SNRPB2: variants seen among roughly 807,000 people sequenced by gnomAD.
SNRPB2 encodes small nuclear ribonucleoprotein polypeptide B2.
Under a neutral mutation model 26.3 loss-of-function variants are expected in SNRPB2, and 16 were observed. The observed-to-expected ratio is 0.61, with a 90% confidence interval of 0.41 to 0.92. The LOEUF (loss-of-function observed/expected upper bound fraction) is 0.92, where lower values mean the gene tolerates loss of function less well. SNRPB2 is among the 40% of genes least tolerant of loss of function. The pLI is 0.00. For synonymous variants in SNRPB2, 75 were observed against 89.0 expected (o/e 0.84, Z 0.88); for missense variants, 179 against 268.1 (o/e 0.67, Z 2.32).
chr20:16,735,614 CAG>C (rs2072421342), intron 3 of SNRPB2, among the ~76,000 whole-genome samples: 1 of 152,214 alleles, frequency 6.6e-6, no homozygotes, highest in South Asian at 2.1e-4. Context: ...CCTACTACAT[CAG>C]AGCTTTTACC....
At chr20:16,730,433 G>A (rs1315471513) in intron 1 of SNRPB2, 1 of 152,306 alleles carries the variant, frequency 6.6e-6, no homozygotes, top group Non-Finnish European at 1.5e-5. Flanking sequence ...GGTAATTCAG[G>A]GTGTCCCTGT....
intron 5 of SNRPB2, among the ~76,000 whole-genome samples, chr20:16,739,686 A>T (rs1006164712): frequency 4.1e-4 from 63 of 152,180 alleles, no homozygotes; most frequent in African/African-American, 1.4e-3. Flanking sequence ...TTATGACAGT[A>T]GCAGGAAGAC....
rs374273717 is a variant in SNRPB2, at chr20:16,740,843, T to C, written c.519-3T>C. ...ATACATGAATTGTTTTTCTTCTTTA[T>C]AGGTTCCCTGGCTTCAAGGAAGTAC... is the stretch of plus-strand genomic sequence containing the variant. On this transcript the variant is annotated splice_polypyrimidine_tract_variant and splice_region_variant and intron_variant, in intron 6 of 6. Coordinates refer to ENST00000246071, the MANE Select transcript of SNRPB2 (RefSeq NM_003092.5). The C allele has an allele frequency of 2.5e-4, 395 of 1,606,132 alleles. 3 individuals carry two copies. The South Asian group carries it at 4.0e-3, about 16-fold the overall frequency.
At chr20:16,739,046 A>G (rs2072446647) in intron 5 of SNRPB2, 144 bp downstream of exon 5, 2 of 625,358 alleles carry the variant, frequency 3.2e-6, no homozygotes, top group Admixed American at 2.9e-5. Flanking sequence ...ACTGCAATGT[A>G]AGAACTCAAC....
chr20:16,731,328 A>AT (rs1216761195), intron 1 of SNRPB2, among the ~76,000 whole-genome samples: 2 of 152,202 alleles, frequency 1.3e-5, no homozygotes, highest in African/African-American at 4.8e-5. Context: ...TACTTTGGTC[A>AT]TTTTTCTTCA....
At position 16,742,533 on chromosome 20, in the gene SNRPB2, G is replaced by A. The variant is rs988534086; in HGVS notation, c.*1528G>A. ...TTTTTTAAAGTGGGTTAGAATTTAC[G>A]TACAATAAAGTTCACCCATGTTAGT... On this transcript the variant is annotated 3_prime_UTR_variant, in exon 7 of 7. Coordinates refer to ENST00000246071, the MANE Select transcript of SNRPB2 (RefSeq NM_003092.5). 9.9e-5 allele frequency: 15 copies of A among 152,144 alleles called. No homozygotes were observed. The highest frequency in any genetic ancestry group is 2.9e-4 in the African/African-American group (12 of 41,516). The allele number at this position is 152,144 out of a possible 1,614,324, so 9.4% of individuals were successfully genotyped here.
chr20:16,732,489 T>C, intron 3 of SNRPB2, 153 bp downstream of exon 3: 1 of 521,480 alleles, frequency 1.9e-6, no homozygotes, highest in East Asian at 3.3e-5. Context: ...ACAGTAGTGG[T>C]AGAGTTTAAT....
chr20:16,734,150 C>T (rs2072410640), intron 3 of SNRPB2, among the ~76,000 whole-genome samples: 1 of 152,298 alleles, frequency 6.6e-6, no homozygotes, highest in East Asian at 1.9e-4. Flanking sequence ...CTGTGTTGGG[C>T]ACCAGCCTCA....
At position 16,740,387 on chromosome 20, in the gene SNRPB2, G is replaced by C; in HGVS notation, c.492G>C (p.Glu164Asp). The C allele has an allele frequency of 6.2e-7, 1 of 1,612,080 alleles. No homozygotes were observed. Among genetic ancestry groups the C allele is most frequent in the Non-Finnish European group, 8.5e-7 (1 of 1,178,916 alleles). ...ATAACTTACCAGAAGAGACTAATGA[G>C]ATGATGTTATCCATGCTGTTTAATC... ...FLNNLPEETN[E>D]MMLSMLFNQF... The change falls in exon 6 of 7, where the codon GAG becomes GAC. Residue 164 changes from glutamate to aspartate, a missense_variant. Glu to Asp is a conservative substitution (Grantham distance 45). Around this residue, in one of 2 missense-constraint regions of SNRPB2, gnomAD observed 34 missense variants for 87.4 expected, o/e 0.39. Coordinates refer to ENST00000246071, the MANE Select transcript of SNRPB2 (RefSeq NM_003092.5).
At position 16,735,705 on chromosome 20, in the gene SNRPB2, T is replaced by TAACTGTTGC. The variant is rs543209093; in HGVS notation, c.238-1555_238-1547dup. 1.4e-3 allele frequency among the ~76,000 whole-genome samples: 207 copies of TAACTGTTGC among 152,346 alleles called. 1 individual carries two copies. Among genetic ancestry groups the TAACTGTTGC allele is most frequent in the Middle Eastern group, 6.8e-3 (2 of 294 alleles). ...CAAGTTTTTGAACCCTTCCCTGTTG[T>TAACTGTTGC]AACTGTTGCCTCTTGGTGCCAGCAT... On this transcript the variant is annotated intron_variant, in intron 3 of 6. Coordinates refer to ENST00000246071, the MANE Select transcript of SNRPB2 (RefSeq NM_003092.5).
chr20:16,732,215 A>G lies in SNRPB2; in HGVS notation c.116A>G (p.Asp39Gly). Residue 39 changes from aspartate (D) to glycine (G), a missense_variant, in exon 3 of 7, where the codon GAC becomes GGC. By Grantham distance (94) the Asp-to-Gly change is moderately conservative (BLOSUM62 -1). Coordinates refer to ENST00000246071, the MANE Select transcript of SNRPB2 (RefSeq NM_003092.5). Reference sequence around the variant, plus strand: ...TTTTCTCAGTTTGGTCATGTGGTGGACATTGTGGCTTTAAAGACCATGAAG... The same window carrying G: ...TTTTCTCAGTTTGGTCATGTGGTGGGCATTGTGGCTTTAAAGACCATGAAG... The part of the protein sequence containing the change: ...ALFSQFGHVV[D>G]IVALKTMKMR... 6.2e-7 allele frequency: 1 copy of G among 1,605,116 alleles called. No homozygotes were observed. The highest frequency in any genetic ancestry group is 1.1e-5 in the South Asian group (1 of 90,454).
Position 16,731,656 on chromosome 20 carries a change from T to A in SNRPB2, c.-35-12T>A. ...CAGTCCAGTATAATTTACTCCTTCC[T>A]TTTTATAACAGATTTTTTACTGTCT... is the stretch of plus-strand genomic sequence containing the variant. On this transcript the variant is annotated splice_polypyrimidine_tract_variant and intron_variant, in intron 1 of 6. Transcript: ENST00000246071. The A allele has an allele frequency of 6.2e-7, 1 of 1,605,874 alleles. No individual in the cohort carries two copies. The highest frequency in any genetic ancestry group is 1.1e-5 in the South Asian group (1 of 90,564).
Position 16,731,667 on chromosome 20 carries a change from G to T in SNRPB2, c.-35-1G>T. ...AATTTACTCCTTCCTTTTTATAACAGATTTTTTACTGTCTCCTGAAGAATT... is the reference window on the plus strand; with the variant it reads ...AATTTACTCCTTCCTTTTTATAACATATTTTTTACTGTCTCCTGAAGAATT... On this transcript the variant is annotated splice_acceptor_variant, in intron 1 of 6. Transcript: ENST00000246071. LOFTEE classifies it low-confidence loss of function (5UTR_SPLICE). 6.2e-7 allele frequency: 1 copy of T among 1,608,740 alleles called. No individual in the cohort carries two copies. Among genetic ancestry groups the T allele is most frequent in the South Asian group, 1.1e-5 (1 of 90,688 alleles).
intron 1 of SNRPB2, chr20:16,730,439 C>T (rs2072381889): frequency 6.6e-6 from 1 of 152,284 alleles, no homozygotes; most frequent in African/African-American, 2.4e-5. Context: ...TCAGGGTGTC[C>T]CTGTAACAAC....
chr20:16,740,473 TC>T, intron 6 of SNRPB2, 60 bp downstream of exon 6: 1 of 1,592,078 alleles, frequency 6.3e-7, no homozygotes, highest in African/African-American at 1.4e-5. Flanking sequence ...AAGTAGTACT[TC>T]CGTGGGTTGA....
Position 16,731,659 on chromosome 20 carries a change from T to C in SNRPB2, c.-35-9T>C. On this transcript the variant is annotated splice_polypyrimidine_tract_variant and intron_variant, in intron 1 of 6. Coordinates refer to ENST00000246071, the MANE Select transcript of SNRPB2 (RefSeq NM_003092.5). Reference sequence around the variant, plus strand: ...TCCAGTATAATTTACTCCTTCCTTTTTATAACAGATTTTTTACTGTCTCCT... The same window carrying C: ...TCCAGTATAATTTACTCCTTCCTTTCTATAACAGATTTTTTACTGTCTCCT... 1 of 1,606,866 alleles carries C rather than the reference T, an allele frequency of 6.2e-7. No homozygotes were observed. Among genetic ancestry groups the C allele is most frequent in the Non-Finnish European group, 8.5e-7 (1 of 1,175,726 alleles).
chr20:16,738,992 A>G (rs1339316859), intron 5 of SNRPB2, 90 bp downstream of exon 5: 3 of 842,164 alleles, frequency 3.6e-6, no homozygotes, highest in Non-Finnish European at 6.0e-6. Flanking sequence ...CTCCAAAAAC[A>G]AAATGATTTC....
At chr20:16,736,478 T>C (rs1050303208) in intron 3 of SNRPB2, among the ~76,000 whole-genome samples, 3 of 152,182 alleles carry the variant, frequency 2.0e-5, no homozygotes, top group African/African-American at 7.2e-5. Flanking sequence ...TTATGATGTT[T>C]AGAATTCTAA....
At chr20:16,731,067 A>G (rs893491144) in intron 1 of SNRPB2, 2 of 152,448 alleles carry the variant, frequency 1.3e-5, no homozygotes, top group Non-Finnish European at 2.9e-5. Flanking sequence ...GCAAACAGCT[A>G]GTAAGAAGCA....
Sources: gnomAD v4.1 joint callset for allele counts (sites outside exome capture counted in the v4.1 genomes callset) on GRCh38, gnomAD v4.1.1 for gene constraint, gnomAD v4.1.1 regional missense constraint, MANE v1.5 for transcripts, NCBI Gene and HGNC (gene_info 2026-07-23, HGNC 2026-07-21) for gene names.